Variants in MAK observed in about 807,000 individuals in gnomAD.
The protein encoded by MAK is serine/threonine-protein kinase MAK.
MAK carries 65 observed loss-of-function variants against 82.6 expected under a neutral mutation model. The observed-to-expected ratio is 0.79, with a 90% CI of 0.64 to 0.97. The LOEUF (loss-of-function observed/expected upper bound fraction) is 0.97. Among genes scored for constraint, MAK ranks in the 50% least tolerant of loss-of-function variants. The probability of loss-of-function intolerance (pLI) is 0.00; values close to 1 mark genes in which losing one functional copy is unlikely to be tolerated. For synonymous variants in MAK, 250 were observed against 274.2 expected (o/e 0.91, Z 0.87); for missense variants, 703 against 780.2 (o/e 0.90, Z 1.18).
rs1186924783 is a variant in MAK at position 10,827,285 on chromosome 6, C to G, written c.101+3263G>C. On this transcript the variant is annotated intron_variant, in intron 2 of 14. Transcript: ENST00000354489. ...GATTCGCCTACCCTCCTCCCCAGAA[C>G]CCATGGCTATCATGGATTTTGGGTG... 3.3e-5 allele frequency among the ~76,000 whole-genome samples: 5 copies of G among 152,244 alleles called. No homozygotes were observed. In the East Asian group the frequency reaches 9.6e-4, roughly 29 times the overall value.
chr6:10,797,424 C>T (rs569483718), intron 8 of MAK, among the ~76,000 whole-genome samples: 18 of 152,236 alleles, frequency 1.2e-4, no homozygotes, highest in Non-Finnish European at 2.5e-4. Context: ...GGTTGGGGGA[C>T]GCTACTAGTG....
At chr6:10,833,375 C>T (rs1030703239) in intron 1 of MAK, among the ~76,000 whole-genome samples, 1 of 152,120 alleles carries the variant, frequency 6.6e-6, no homozygotes, top group Non-Finnish European at 1.5e-5. Flanking sequence ...GAGGCCAAGA[C>T]GGGTGGATCA....
chr6:10,831,777 A>G (rs1013821276), intron 1 of MAK, among the ~76,000 whole-genome samples: 7 of 152,258 alleles, frequency 4.6e-5, no homozygotes, highest in Non-Finnish European at 7.4e-5. Flanking sequence ...ATAAATAAAA[A>G]GGGAAGTAGA....
chr6:10,781,625 T>C (rs1026074081), intron 11 of MAK, among the ~76,000 whole-genome samples: 1 of 152,026 alleles, frequency 6.6e-6, no homozygotes, highest in Non-Finnish European at 1.5e-5. Flanking sequence ...GGTTTTGCCA[T>C]GTTGGACAGG....
intron 9 of MAK, among the ~76,000 whole-genome samples, chr6:10,794,311 G>C (rs2127545410): frequency 6.6e-6 from 1 of 152,312 alleles, no homozygotes; most frequent in Admixed American, 6.5e-5. Context: ...TATCTACTGA[G>C]AATCTACCAT....
intron 6 of MAK, among the ~76,000 whole-genome samples, chr6:10,806,832 C>T (rs565885562): frequency 3.5e-4 from 53 of 152,018 alleles, no homozygotes; most frequent in African/African-American, 1.1e-3. Flanking sequence ...TAAAAACCCA[C>T]ATCAGAAGCC....
At chr6:10,823,405 T>C (rs1778109238) in intron 2 of MAK, among the ~76,000 whole-genome samples, 2 of 152,236 alleles carry the variant, frequency 1.3e-5, no homozygotes, top group South Asian at 4.1e-4. Flanking sequence ...AAAAGGTTTT[T>C]AGAATGAAAA....
At position 10,830,704 on chromosome 6, in the gene MAK, T is replaced by C. The variant is rs2127590655; in HGVS notation, c.-56A>G. 2.2e-6 allele frequency: 3 copies of C among 1,358,678 alleles called. No homozygotes were observed. Among genetic ancestry groups the C allele is most frequent in the Non-Finnish European group, 3.2e-6 (3 of 947,064 alleles). 84.2% of individuals were successfully genotyped at this position (1,358,678 alleles called of 1,614,324 possible). A position where few individuals can be genotyped will look rare whatever the true frequency, so the allele number is the denominator to read the frequency against. On this transcript the variant is annotated 5_prime_UTR_variant, in exon 2 of 15. Transcript: ENST00000354489. Reference sequence around the variant, plus strand: ...ATTGAAATGACTTCCTTGTTGAATATAAATTTGAACGCTTCTTAATTTTTA... The same window carrying C: ...ATTGAAATGACTTCCTTGTTGAATACAAATTTGAACGCTTCTTAATTTTTA...
At chr6:10,781,003 T>G (rs111330773) in intron 11 of MAK, among the ~76,000 whole-genome samples, 106 of 152,248 alleles carry the variant, frequency 7.0e-4, no homozygotes, top group African/African-American at 2.1e-3. Flanking sequence ...TCCCAACTCC[T>G]CTCCCACCTT....
At chr6:10,818,075 AT>A in intron 3 of MAK, 104 bp from the exon 4 acceptor site, 1 of 616,122 alleles carries the variant, frequency 1.6e-6, no homozygotes, top group Non-Finnish European at 2.8e-6. Flanking sequence ...GTAATTTTCC[AT>A]TTCTCCTGGG....
intron 13 of MAK, 21 bp downstream of exon 13, chr6:10,773,013 C>G (rs756802546): frequency 1.4e-6 from 2 of 1,478,650 alleles, no homozygotes; most frequent in South Asian, 2.4e-5. Flanking sequence ...AAACTGCATT[C>G]ATCTGACGCC....
At chr6:10,766,169 C>CT (rs141902458) in intron 14 of MAK, among the ~76,000 whole-genome samples, 2,734 of 152,258 alleles carry the variant, frequency 0.018, 74 homozygotes, top group African/African-American at 0.061. Context: ...GGATTAAACT[C>CT]TAAGTGTTAA....
At chr6:10,816,166 G>C (rs1381301369) in intron 4 of MAK, among the ~76,000 whole-genome samples, 1 of 151,544 alleles carries the variant, frequency 6.6e-6, no homozygotes, top group Non-Finnish European at 1.5e-5. Context: ...CAACCTCCTG[G>C]GCTCAAGCAA....
chr6:10,772,698 A>G (rs2127515308), intron 13 of MAK, among the ~76,000 whole-genome samples: 1 of 151,824 alleles, frequency 6.6e-6, no homozygotes, highest in South Asian at 2.1e-4. Flanking sequence ...CAGAACTTTG[A>G]AAAAAAAATT....
chr6:10,819,632 T>C (rs1053485347), intron 2 of MAK, among the ~76,000 whole-genome samples: 3 of 151,766 alleles, frequency 2.0e-5, no homozygotes. Flanking sequence ...AATGGCTTTC[T>C]TGAATTTTGT....
At chr6:10,772,641 C>T (rs1004344461) in intron 13 of MAK, among the ~76,000 whole-genome samples, 2 of 151,994 alleles carry the variant, frequency 1.3e-5, no homozygotes, top group African/African-American at 4.8e-5. Context: ...CCGCGCCCAG[C>T]CTAACCTTTT....
Position 10,768,231 on chromosome 6 carries a change from C to T in MAK, c.1792+1880G>A, listed in dbSNP as rs191624914. On this transcript the variant is annotated intron_variant, in intron 14 of 14. Transcript: ENST00000354489. Reference sequence around the variant, plus strand: ...CACTCTTGATTTATAAGAGTAGATACCTAGGTAACAAAATAATTTGAAACA... The same window carrying T: ...CACTCTTGATTTATAAGAGTAGATATCTAGGTAACAAAATAATTTGAAACA... Among the ~76,000 whole-genome samples the T allele has an allele frequency of 2.0e-5, 3 of 152,100 alleles. No homozygotes were observed. The East Asian group carries it at 5.8e-4, about 29-fold the overall frequency.
intron 8 of MAK, among the ~76,000 whole-genome samples, chr6:10,796,886 C>A (rs1775614328): frequency 6.6e-6 from 1 of 150,966 alleles, no homozygotes; most frequent in Non-Finnish European, 1.5e-5. Context: ...AACAGCTGTT[C>A]TATTTATTTA....
At chr6:10,790,711 A>G (rs1397500177) in intron 10 of MAK, among the ~76,000 whole-genome samples, 1 of 152,222 alleles carries the variant, frequency 6.6e-6, no homozygotes, top group Non-Finnish European at 1.5e-5. Flanking sequence ...CATTCACAAG[A>G]GCATCGTAAA....
Sources: allele counts gnomAD v4.1 joint callset (sites outside exome capture counted in the v4.1 genomes callset), GRCh38; gene constraint gnomAD v4.1.1; transcripts MANE v1.5; gene names NCBI Gene and HGNC (gene_info 2026-07-23, HGNC 2026-07-21).